The following TANC1 variants were observed in gnomAD, a reference collection of about 807,000 sequenced individuals.
TANC1 encodes the protein protein TANC1.
TANC1 carries 77 observed loss-of-function variants against 149.7 expected under a neutral mutation model. The observed-to-expected ratio is 0.51, with a 90% CI of 0.43 to 0.62. The LOEUF (loss-of-function observed/expected upper bound fraction) is 0.62, where lower values mean the gene tolerates loss of function less well. Ranked by LOEUF, TANC1 falls within the 20% of genes least tolerant of loss-of-function variation. The probability of loss-of-function intolerance (pLI) is 0.00; values close to 1 mark genes in which losing one functional copy is unlikely to be tolerated. For missense variants in TANC1, 1,985 were observed against 2,321.8 expected (o/e 0.85, Z 2.98); for synonymous variants, 854 against 925.0 (o/e 0.92, Z 1.39).
At chr2:159,162,928 T>A (rs1449035818) in intron 7 of TANC1, among the ~76,000 whole-genome samples, 1 of 152,210 alleles carries the variant, frequency 6.6e-6, no homozygotes, top group Non-Finnish European at 1.5e-5. Context: ...CAAAGGAATT[T>A]AATGAGAAAT....
At chr2:159,219,642 G>A (rs755631116) in intron 21 of TANC1, 50 bp from the exon 22 acceptor site, 2 of 1,609,848 alleles carry the variant, frequency 1.2e-6, no homozygotes, top group Non-Finnish European at 1.7e-6. Context: ...TTGCTTTCTG[G>A]CTTTGTCATC....
chr2:159,193,866 C>T (rs1285433294), intron 16 of TANC1, among the ~76,000 whole-genome samples: 2 of 151,604 alleles, frequency 1.3e-5, no homozygotes, highest in Non-Finnish European at 2.9e-5. Flanking sequence ...TTAATTTTCA[C>T]ATCAGGGCCT....
chr2:159,163,053 G>A (rs1165677933), intron 7 of TANC1, among the ~76,000 whole-genome samples: 1 of 152,066 alleles, frequency 6.6e-6, no homozygotes, highest in East Asian at 1.9e-4. Flanking sequence ...CTTCCTATCA[G>A]AGTTTCTCCC....
chr2:159,226,481 G>T (rs538498660), intron 24 of TANC1: 2 of 152,318 alleles, frequency 1.3e-5, no homozygotes, highest in South Asian at 4.1e-4. Flanking sequence ...GACATTTCTA[G>T]AAGAAAAGGG....
chr2:159,062,991 A>AAAAAAAAAAAAAAAAAAAAG (rs1553534848), intron 2 of TANC1, among the ~76,000 whole-genome samples: 1 of 147,090 alleles, frequency 6.8e-6, no homozygotes, highest in Non-Finnish European at 1.5e-5. Flanking sequence ...AAAAAAAAAA[A>AAAAAAAAAAAAAAAAAAAAG]AAAAGAAAGC....
intron 2 of TANC1, among the ~76,000 whole-genome samples, chr2:159,025,189 T>TTTTCTTTTC (rs1553519915): frequency 4.8e-5 from 5 of 105,222 alleles, no homozygotes; most frequent in South Asian, 3.6e-4. Flanking sequence ...TTTTTCTTTC[T>TTTTCTTTTC]TTTCTTTCTT....
intron 20 of TANC1, 79 bp downstream of exon 20, chr2:159,217,709 C>A: frequency 6.5e-7 from 1 of 1,537,500 alleles, no homozygotes; most frequent in African/African-American, 1.4e-5. Context: ...CCTGAGAACA[C>A]AATGCAGCTC....
intron 22 of TANC1, 91 bp downstream of exon 22, chr2:159,219,958 T>G: frequency 8.0e-7 from 1 of 1,245,870 alleles, no homozygotes; most frequent in Non-Finnish European, 1.1e-6. Context: ...CATGAGGTTG[T>G]GTCTCAGTGT....
intron 20 of TANC1, 128 bp downstream of exon 20, chr2:159,217,758 T>C: frequency 7.8e-7 from 1 of 1,274,574 alleles, no homozygotes; most frequent in Non-Finnish European, 1.1e-6. Context: ...GCTTCTGCTG[T>C]GCCATCAGGA....
intron 16 of TANC1, among the ~76,000 whole-genome samples, chr2:159,189,573 A>G (rs1258060310): frequency 6.6e-6 from 1 of 152,022 alleles, no homozygotes; most frequent in Non-Finnish European, 1.5e-5. Context: ...TTTTTTACAC[A>G]TTGATTTTTA....
intron 2 of TANC1, among the ~76,000 whole-genome samples, chr2:159,016,732 G>T (rs143378707): frequency 6.6e-6 from 1 of 151,638 alleles, no homozygotes; most frequent in Admixed American, 6.6e-5. Context: ...CCCCCACCAC[G>T]CCTGGCTAAT....
chr2:158,973,814 C>G (rs1183039510), intron 1 of TANC1, among the ~76,000 whole-genome samples: 1 of 152,148 alleles, frequency 6.6e-6, no homozygotes, highest in Admixed American at 6.5e-5. Flanking sequence ...CCCCTGTAGT[C>G]TTGAGGGCAG....
At chr2:159,124,375 G>A (rs985039166) in intron 4 of TANC1, among the ~76,000 whole-genome samples, 4 of 152,036 alleles carry the variant, frequency 2.6e-5, no homozygotes, top group Non-Finnish European at 2.9e-5. Flanking sequence ...GTGGGGCATC[G>A]GAATCACTCT....
intron 2 of TANC1, among the ~76,000 whole-genome samples, chr2:159,062,992 A>AAAAAAAAAAAAAAAAG (rs1559188236): frequency 1.4e-5 from 2 of 147,414 alleles, no homozygotes; most frequent in African/African-American, 2.5e-5. Context: ...AAAAAAAAAA[A>AAAAAAAAAAAAAAAAG]AAAGAAAGCA....
intron 19 of TANC1, among the ~76,000 whole-genome samples, chr2:159,216,142 T>C (rs547661296): frequency 6.6e-6 from 1 of 152,254 alleles, no homozygotes; most frequent in South Asian, 2.1e-4. Flanking sequence ...TCCGCATCCA[T>C]CTCTCGTTAA....
At chr2:159,173,009 A>T (rs1575087875) in intron 11 of TANC1, among the ~76,000 whole-genome samples, 1 of 152,046 alleles carries the variant, frequency 6.6e-6, no homozygotes, top group Non-Finnish European at 1.5e-5. Context: ...TGCTTTCCGG[A>T]TGATGACTGC....
intron 2 of TANC1, among the ~76,000 whole-genome samples, chr2:159,042,472 C>T (rs2040721540): frequency 6.6e-6 from 1 of 152,094 alleles, no homozygotes; most frequent in Non-Finnish European, 1.5e-5. Flanking sequence ...TGGAATCTTT[C>T]AATGAGCAAG....
In TANC1 at chr2:159,172,145, A is replaced by C. The variant is rs2055327843; in HGVS notation, c.1376A>C (p.His459Pro). The change falls in exon 11 of 27, where the codon CAT becomes CCT. Residue 459 changes from histidine (H) to proline (P), a missense_variant. Around this residue, in one of 3 missense-constraint regions of TANC1, gnomAD observed 557 missense variants for 612.9 expected, o/e 0.91. Coordinates refer to ENST00000263635, the MANE Select transcript of TANC1 (RefSeq NM_033394.3). Reference sequence around the variant, plus strand: ...GCCTCTGACCCCACTCAGGATCTTCATTTCACTCCGTTGCTTTCACCGAGT... The same window carrying C: ...GCCTCTGACCCCACTCAGGATCTTCCTTTCACTCCGTTGCTTTCACCGAGT... ...PKTSDPTQDL[H>P]FTPLLSPSSS... 2 of 1,613,942 alleles carry C rather than the reference A, an allele frequency of 1.2e-6. No homozygotes were observed. The highest frequency in any genetic ancestry group is 1.7e-6 in the Non-Finnish European group (2 of 1,180,030).
intron 14 of TANC1, among the ~76,000 whole-genome samples, chr2:159,181,750 C>T (rs186788532): frequency 1.1e-4 from 16 of 152,220 alleles, no homozygotes; most frequent in Admixed American, 8.5e-4. Context: ...GCCTTCCTTC[C>T]TTATCTATAA....
Sources: gnomAD v4.1 joint callset for allele counts (sites outside exome capture counted in the v4.1 genomes callset) on GRCh38, gnomAD v4.1.1 for gene constraint, gnomAD v4.1.1 regional missense constraint, MANE v1.5 for transcripts, NCBI Gene and HGNC (gene_info 2026-07-23, HGNC 2026-07-21) for gene names.